The following TASP1 variants were observed in gnomAD, a reference collection of about 807,000 sequenced individuals.
The protein encoded by TASP1 is taspase 1, also known as threonine aspartase 1.
In TASP1, 16 loss-of-function variants were observed where a neutral mutation model predicts 56.6. The observed-to-expected ratio is 0.28, with a 90% CI of 0.19 to 0.43. The LOEUF (loss-of-function observed/expected upper bound fraction) is 0.43. Ranked by LOEUF, TASP1 falls within the 20% of genes least tolerant of loss-of-function variation. The probability of loss-of-function intolerance (pLI) is 1.00; values close to 1 mark genes in which losing one functional copy is unlikely to be tolerated. For synonymous variants in TASP1, 179 were observed against 184.2 expected, an observed-to-expected ratio of 0.97 and a Z score of 0.23; for missense variants, 393 against 511.6, an observed-to-expected ratio of 0.77 and a Z score of 2.24.
chr20:13,342,851 G>T, the TASP1 span, among the ~76,000 whole-genome samples: 10 of 152,272 alleles, frequency 6.6e-5, no homozygotes, highest in Non-Finnish European at 1.2e-4. Flanking sequence ...TGTAGAGGAT[G>T]GGTCCTTATC....
At chr20:13,139,030 G>C in the TASP1 span, among the ~76,000 whole-genome samples, 20 of 152,286 alleles carry the variant, frequency 1.3e-4, no homozygotes, top group East Asian at 3.9e-3. Flanking sequence ...TATCCAAGTT[G>C]AGTACATTTC....
At chr20:13,193,343 G>A in the TASP1 span, among the ~76,000 whole-genome samples, 3 of 151,988 alleles carry the variant, frequency 2.0e-5, no homozygotes, top group South Asian at 6.2e-4. Flanking sequence ...TCAAAGATGT[G>A]GTAAGTGGAA....
chr20:13,177,699 G>A, the TASP1 span, among the ~76,000 whole-genome samples: 1 of 152,042 alleles, frequency 6.6e-6, no homozygotes, highest in Non-Finnish European at 1.5e-5. Context: ...TGGGAAAACT[G>A]GATATCCATA....
chr20:13,495,805 A>G (rs2043700148), intron 10 of TASP1, among the ~76,000 whole-genome samples: 1 of 152,194 alleles, frequency 6.6e-6, no homozygotes, highest in Non-Finnish European at 1.5e-5. Context: ...AAGTTAACTT[A>G]CAGTTTTATT....
At chr20:13,503,206 C>A (rs2044008790) in intron 10 of TASP1, among the ~76,000 whole-genome samples, 3 of 152,048 alleles carry the variant, frequency 2.0e-5, no homozygotes, top group African/African-American at 7.2e-5. Context: ...GGATGCCTTG[C>A]CTGTGTAACA....
chr20:13,624,533 C>T (rs893089349), intron 3 of TASP1, among the ~76,000 whole-genome samples: 1 of 151,934 alleles, frequency 6.6e-6, no homozygotes, highest in African/African-American at 2.4e-5. Flanking sequence ...GAGAGAGAGA[C>T]GCATATTTAC....
intron 4 of TASP1, among the ~76,000 whole-genome samples, chr20:13,589,860 A>C (rs2047456565): frequency 6.6e-6 from 1 of 152,254 alleles, no homozygotes; most frequent in Non-Finnish European, 1.5e-5. Context: ...AAAGATGTTC[A>C]TGCCATTGTA....
chr20:13,561,647 A>G (rs1304371431), intron 7 of TASP1, among the ~76,000 whole-genome samples: 1 of 152,174 alleles, frequency 6.6e-6, no homozygotes, highest in Admixed American at 6.6e-5. Context: ...AATTACAGGT[A>G]TGAGCCACCA....
chr20:13,629,524 C>T (rs58555741), intron 2 of TASP1, among the ~76,000 whole-genome samples: 7 of 151,524 alleles, frequency 4.6e-5, no homozygotes, highest in African/African-American at 1.5e-4. Flanking sequence ...CAGGCTGGAG[C>T]GCAGTGGCAT....
At chr20:13,513,713 T>C (rs189021420) in intron 10 of TASP1, among the ~76,000 whole-genome samples, 10 of 152,222 alleles carry the variant, frequency 6.6e-5, no homozygotes, top group Admixed American at 3.3e-4. Flanking sequence ...ATTCCCATAG[T>C]GAGTGGCTGA....
At chr20:13,355,929 C>T in the TASP1 span, among the ~76,000 whole-genome samples, 1 of 152,090 alleles carries the variant, frequency 6.6e-6, no homozygotes, top group African/African-American at 2.4e-5. Context: ...CTCATATTGG[C>T]CAAAAAATAG....
chr20:13,300,236 G>A, the TASP1 span: 2 of 152,160 alleles, frequency 1.3e-5, no homozygotes, highest in South Asian at 2.1e-4. Context: ...TTCTGCTCAT[G>A]TCCTAGCAGG....
the TASP1 span, among the ~76,000 whole-genome samples, chr20:13,188,738 G>C: frequency 6.6e-6 from 1 of 152,124 alleles, no homozygotes; most frequent in Non-Finnish European, 1.5e-5. Context: ...AAGCAAGCCT[G>C]AGCAAAAAGA....
At chr20:13,173,400 G>C in the TASP1 span, among the ~76,000 whole-genome samples, 4 of 152,166 alleles carry the variant, frequency 2.6e-5, no homozygotes, top group Non-Finnish European at 5.9e-5. Flanking sequence ...CAGCAGGTTA[G>C]ACCAGTTACT....
chr20:13,130,531 G>T, the TASP1 span, among the ~76,000 whole-genome samples: 5 of 152,356 alleles, frequency 3.3e-5, no homozygotes, highest in East Asian at 7.7e-4. Flanking sequence ...TGATGCCAAG[G>T]TTCAAAGATG....
At chr20:13,522,711 C>A (rs2044811957) in intron 10 of TASP1, among the ~76,000 whole-genome samples, 1 of 152,074 alleles carries the variant, frequency 6.6e-6, no homozygotes, top group Non-Finnish European at 1.5e-5. Context: ...TTGTAGGAAT[C>A]ATCAGCACAT....
chr20:13,288,549 A>G, the TASP1 span: 7 of 1,613,646 alleles, frequency 4.3e-6, no homozygotes, highest in South Asian at 2.2e-5. Context: ...GATTCCACAG[A>G]TGGCGAGGGT....
chr20:13,522,789 G>T (rs1601111021), intron 10 of TASP1, among the ~76,000 whole-genome samples: 1 of 151,990 alleles, frequency 6.6e-6, no homozygotes, highest in African/African-American at 2.4e-5. Flanking sequence ...AGAGAGAAGA[G>T]GTTCAAGGAC....
intron 7 of TASP1, among the ~76,000 whole-genome samples, chr20:13,568,878 C>A (rs976714711): frequency 6.6e-6 from 1 of 152,076 alleles, no homozygotes; most frequent in Admixed American, 6.5e-5. Flanking sequence ...TGTTTTAAAT[C>A]TTTCAAAAGT....
Sources: gnomAD v4.1 joint callset for allele counts (sites outside exome capture counted in the v4.1 genomes callset) on GRCh38, gnomAD v4.1.1 for gene constraint, MANE v1.5 for transcripts, NCBI Gene and HGNC (gene_info 2026-07-23, HGNC 2026-07-21) for gene names.